PRDM16: variants seen among roughly 807,000 people sequenced by gnomAD.
The protein encoded by PRDM16 is histone-lysine N-methyltransferase PRDM16.
A neutral mutation model predicts 110.6 loss-of-function variants in PRDM16; 23 were observed. The observed-to-expected ratio is 0.21, with a 90% CI of 0.15 to 0.29. The LOEUF (loss-of-function observed/expected upper bound fraction) is 0.29, where lower values mean the gene tolerates loss of function less well. Among genes scored for constraint, PRDM16 ranks in the 10% least tolerant of loss-of-function variants. PRDM16 has a pLI of 1.00. For synonymous variants in PRDM16, 799 were observed against 781.8 expected (o/e 1.02, Z -0.37); for missense variants, 1,615 against 1,794.3 (o/e 0.90, Z 1.81).
rs777848046 is a variant in PRDM16, at chr1:3,408,887, TGTGA to T, written c.1187-2495_1187-2492del. 3.4e-5 allele frequency among the ~76,000 whole-genome samples: 5 copies of T among 145,650 alleles called. No individual in the cohort carries two copies. The East Asian group carries it at 8.3e-4, about 24-fold the overall frequency. On this transcript the variant is annotated intron_variant, in intron 8 of 16. Transcript: ENST00000270722. ...GGGCACGTGAGCTGGTGCGTGTGTG[TGTGA>T]GAGCGCATGAGGGTGGGCGTGTGAG...
At chr1:3,105,049 G>A (rs888935290) in intron 1 of PRDM16, among the ~76,000 whole-genome samples, 1 of 152,096 alleles carries the variant, frequency 6.6e-6, no homozygotes, top group Admixed American at 6.5e-5. Context: ...GGAGAGGAGC[G>A]GGGGGTGGGG....
chr1:3,071,325 C>G (rs1406878082), intron 1 of PRDM16, among the ~76,000 whole-genome samples: 1 of 152,272 alleles, frequency 6.6e-6, no homozygotes, highest in Admixed American at 6.5e-5. Context: ...AGAAGTGGTG[C>G]CTGGCAGCCA....
intron 1 of PRDM16, among the ~76,000 whole-genome samples, chr1:3,115,940 G>A (rs987440253): frequency 1.3e-5 from 2 of 152,152 alleles, no homozygotes; most frequent in East Asian, 3.9e-4. Context: ...CATCTGGGGG[G>A]CTGCTATCTA....
rs1290440970 is a variant in PRDM16, at chr1:3,081,111, G to A, written c.37+11815G>A. On this transcript the variant is annotated intron_variant, in intron 1 of 16. Transcript: ENST00000270722. The surrounding 1 kb of genome is among the most constrained non-coding windows in gnomAD (Gnocchi z 4.6). ...CTGGGAATCTGAACCGCAGGGCAGA[G>A]GCCCCGGAGTCTTAACTTTCCCTCC... is the stretch of plus-strand genomic sequence containing the variant. Among the ~76,000 whole-genome samples the A allele has an allele frequency of 6.6e-6, 1 of 152,202 alleles. No individual in the cohort carries two copies. The highest frequency in any genetic ancestry group is 2.4e-5 in the African/African-American group (1 of 41,448).
At chr1:3,318,847 T>C (rs1292656984) in intron 3 of PRDM16, among the ~76,000 whole-genome samples, 1 of 152,200 alleles carries the variant, frequency 6.6e-6, no homozygotes, top group African/African-American at 2.4e-5. Context: ...TAAAAAGTAA[T>C]AAAAACGCCA....
intron 3 of PRDM16, among the ~76,000 whole-genome samples, chr1:3,269,213 A>C (rs1640370282): frequency 6.6e-6 from 1 of 152,278 alleles, no homozygotes; most frequent in Non-Finnish European, 1.5e-5. Flanking sequence ...CTGGGGTACC[A>C]GATGGACAGC....
At chr1:3,194,689 C>T (rs1429200798) in intron 2 of PRDM16, among the ~76,000 whole-genome samples, 1 of 148,240 alleles carries the variant, frequency 6.7e-6, no homozygotes, top group South Asian at 2.1e-4. Flanking sequence ...GATCGCCACA[C>T]GCCATCGTCT....
chr1:3,229,456 C>T (rs893951980), intron 2 of PRDM16, among the ~76,000 whole-genome samples: 1 of 152,222 alleles, frequency 6.6e-6, no homozygotes, highest in African/African-American at 2.4e-5. Context: ...CTCAGTCCAT[C>T]CTGCAGACAG....
At position 3,213,050 on chromosome 1, in the gene PRDM16, G is replaced by A. The variant is rs978705701; in HGVS notation, c.387+26576G>A. Among the ~76,000 whole-genome samples, 8 of 152,182 alleles carry A rather than the reference G, an allele frequency of 5.3e-5. No homozygotes were observed. The highest frequency in any genetic ancestry group is 1.7e-4 in the African/African-American group (7 of 41,442). On this transcript the variant is annotated intron_variant, in intron 2 of 16. Transcript: ENST00000270722. This position sits in a 1 kb window ranked among gnomAD's most constrained non-coding sequence, Gnocchi z 5.3. ...CTCACCCAGAAAGGAAAGCGGGGTC[G>A]GCTCGCCCGCCTGCCGCACGCTTCC...
chr1:3,336,981 G>A (rs899254186), intron 3 of PRDM16, among the ~76,000 whole-genome samples: 4 of 151,498 alleles, frequency 2.6e-5, no homozygotes, highest in African/African-American at 9.7e-5. Context: ...ATGTGTTGGT[G>A]TGAATCTGTG....
rs1218494332 is a variant in PRDM16 at position 3,209,934 on chromosome 1, CT to C, written c.387+23462del. Among the ~76,000 whole-genome samples, 1 of 152,184 alleles carries C rather than the reference CT, an allele frequency of 6.6e-6. No homozygotes were observed. The highest frequency in any genetic ancestry group is 1.9e-4 in the East Asian group (1 of 5,194). ...CCTGTGTTAGCCCTTTCACAGAACTCTTACTTAACATGGAAAATATCGTAGC... is the reference window on the plus strand; with the variant it reads ...CCTGTGTTAGCCCTTTCACAGAACTCTACTTAACATGGAAAATATCGTAGC... On this transcript the variant is annotated intron_variant, in intron 2 of 16. Transcript: ENST00000270722. This position sits in a 1 kb window ranked among gnomAD's most constrained non-coding sequence, Gnocchi z 4.6.
chr1:3,076,547 C>T (rs1040177499), intron 1 of PRDM16, among the ~76,000 whole-genome samples: 24 of 152,320 alleles, frequency 1.6e-4, no homozygotes, highest in Middle Eastern at 3.4e-3. Flanking sequence ...CTGCTCTCAG[C>T]GTCCCCGGGC....
chr1:3,322,526 C>T (rs975769850), intron 3 of PRDM16, among the ~76,000 whole-genome samples: 1 of 152,104 alleles, frequency 6.6e-6, no homozygotes, highest in African/African-American at 2.4e-5. Flanking sequence ...CCCCACCCAC[C>T]CCCACTCTGA....
At position 3,431,120 on chromosome 1, in the gene PRDM16, C is replaced by A. The variant is rs982195800; in HGVS notation, c.3521+12C>A. 6.5e-7 allele frequency: 1 copy of A among 1,548,768 alleles called. No individual in the cohort carries two copies. Among genetic ancestry groups the A allele is most frequent in the African/African-American group, 1.4e-5 (1 of 73,204 alleles). ...GACCACACCCGAAGGTGGGGGCAGC[C>A]GTGTGCTCCAGGATGGGGCAGGGAG... On this transcript the variant is annotated intron_variant, in intron 15 of 16. Transcript: ENST00000270722.
chr1:3,205,909 T>G (rs1638742871), intron 2 of PRDM16: 1 of 152,184 alleles, frequency 6.6e-6, no homozygotes. Flanking sequence ...AATCTCCGGA[T>G]CCCACACAAT....
chr1:3,101,849 G>A (rs1027441711), intron 1 of PRDM16, among the ~76,000 whole-genome samples: 3 of 152,212 alleles, frequency 2.0e-5, no homozygotes, highest in South Asian at 2.1e-4. Flanking sequence ...AAGACCACCC[G>A]TTCTTGTCTC....
chr1:3,405,523 G>A lies in PRDM16; in HGVS notation c.1061G>A (p.Arg354Gln), dbSNP rs776595154. The change falls in exon 8 of 17, where the codon CGG becomes CAG. Residue 354 changes from arginine to glutamine, a missense_variant. Transcript: ENST00000270722. ...TTCACGGACCCCAGCAACCTTCAGC[G>A]GCACATCCGCTCGCAGCACGTGGGC... ...KVFTDPSNLQ[R>Q]HIRSQHVGAR... is the part of the protein sequence containing the mutation. 3.8e-6 allele frequency: 6 copies of A among 1,598,516 alleles called. No individual in the cohort carries two copies. Among genetic ancestry groups the A allele is most frequent in the Middle Eastern group, 1.7e-4 (1 of 5,988 alleles).
intron 3 of PRDM16, among the ~76,000 whole-genome samples, chr1:3,257,907 C>CA (rs774591917): frequency 2.1e-4 from 32 of 152,174 alleles, no homozygotes; most frequent in Admixed American, 3.3e-4. Flanking sequence ...CCAGTGTCCC[C>CA]ACCACAGGGA....
chr1:3,434,665 C>G lies in PRDM16; in HGVS notation c.*854C>G, dbSNP rs1213362369. On this transcript the variant is annotated 3_prime_UTR_variant, in exon 17 of 17. Coordinates refer to ENST00000270722, the MANE Select transcript of PRDM16 (RefSeq NM_022114.4). ...CATGGAATTGGTGTCAGGACCGCCACGTGGCCTTCAGAGGAATCCACAGGT... is the reference window on the plus strand; with the variant it reads ...CATGGAATTGGTGTCAGGACCGCCAGGTGGCCTTCAGAGGAATCCACAGGT... 4.3e-6 allele frequency: 1 copy of G among 232,504 alleles called. No individual in the cohort carries two copies. Among genetic ancestry groups the G allele is most frequent in the Admixed American group, 5.6e-5 (1 of 17,764 alleles). The allele number at this position is 232,504 out of a possible 1,614,324, so 14.4% of individuals were successfully genotyped here. A position where few individuals can be genotyped will look rare whatever the true frequency, so the allele number is the denominator to read the frequency against.
Sources: gnomAD v4.1 joint callset for allele counts (sites outside exome capture counted in the v4.1 genomes callset) on GRCh38, gnomAD v4.1.1 for gene constraint, Gnocchi (gnomAD v3.1) non-coding constraint, MANE v1.5 for transcripts, NCBI Gene and HGNC (gene_info 2026-07-23, HGNC 2026-07-21) for gene names.